The following MPZL1 variants were observed in gnomAD, a reference collection of about 807,000 sequenced individuals.
MPZL1 encodes the protein myelin protein zero like 1, also known as myelin protein zero-like protein 1.
MPZL1 carries 16 observed loss-of-function variants against 29.3 expected under a neutral mutation model. The ratio of observed to expected loss-of-function variants is 0.55; its 90% CI spans 0.37 to 0.83. The LOEUF is 0.83. Ranked by LOEUF, MPZL1 falls within the 40% of genes least tolerant of loss-of-function variation. MPZL1 has a pLI of 0.00. For synonymous variants in MPZL1, 143 were observed against 132.0 expected (o/e 1.08, Z -0.57); for missense variants, 279 against 332.9 (o/e 0.84, Z 1.26).
At chr1:167,724,169 G>A (rs1036407475) in intron 1 of MPZL1, among the ~76,000 whole-genome samples, 5 of 152,206 alleles carry the variant, frequency 3.3e-5, no homozygotes, top group Admixed American at 1.3e-4. Context: ...TCAGGCTACT[G>A]GAGGAAGGGA....
chr1:167,770,808 C>T (rs1661225616), intron 2 of MPZL1, among the ~76,000 whole-genome samples: 1 of 152,062 alleles, frequency 6.6e-6, no homozygotes, highest in South Asian at 2.1e-4. Context: ...AAAATGGCTT[C>T]TCTTAAGTCT....
intron 1 of MPZL1, among the ~76,000 whole-genome samples, chr1:167,739,268 TATATACATATATAC>T (rs1558110498): frequency 3.0e-5 from 3 of 98,512 alleles, no homozygotes; most frequent in Non-Finnish European, 5.8e-5. Flanking sequence ...TACACATACA[TATATACATATATAC>T]ATATATATAT....
At chr1:167,779,477 T>TG (rs1423442724) in intron 5 of MPZL1, among the ~76,000 whole-genome samples, 1 of 151,586 alleles carries the variant, frequency 6.6e-6, no homozygotes, top group Non-Finnish European at 1.5e-5. Context: ...CCCAGCTACT[T>TG]GGGAGGCCAA....
chr1:167,773,283 G>A lies in MPZL1; in HGVS notation c.520G>A (p.Ala174Thr). Residue 174 changes from alanine (A) to threonine (T), a missense_variant, in exon 4 of 6, where the codon GCT becomes ACT. Physicochemically the swap from Ala to Thr is moderately conservative, Grantham distance 58 (BLOSUM62 0). Transcript: ENST00000359523. ...TTGGGTAGTGGTGGGCATAGTTACT[G>A]CTGTGGTCCTAGGTCTCACTCTGCT... ...PVWVVVGIVT[A>T]VVLGLTLLIS... 6 of 1,613,516 alleles carry A rather than the reference G, an allele frequency of 3.7e-6. No individual in the cohort carries two copies. Among genetic ancestry groups the A allele is most frequent in the Non-Finnish European group, 5.1e-6 (6 of 1,179,494 alleles).
chr1:167,762,977 G>A (rs1313547993), intron 1 of MPZL1, among the ~76,000 whole-genome samples: 6 of 152,130 alleles, frequency 3.9e-5, no homozygotes, highest in Non-Finnish European at 5.9e-5. Context: ...AGAGCTACAC[G>A]TTCAGATTAG....
At chr1:167,761,435 C>T (rs1571156954) in intron 1 of MPZL1, among the ~76,000 whole-genome samples, 1 of 152,094 alleles carries the variant, frequency 6.6e-6, no homozygotes, top group East Asian at 1.9e-4. Flanking sequence ...TGCAGACAGA[C>T]ACTTTCTACA....
intron 2 of MPZL1, among the ~76,000 whole-genome samples, chr1:167,771,589 C>G (rs1255817952): frequency 6.6e-6 from 1 of 152,146 alleles, no homozygotes; most frequent in Admixed American, 6.5e-5. Context: ...AGAGGCGCTC[C>G]TCACTTCCCA....
chr1:167,758,117 GCA>G (rs950463527), intron 1 of MPZL1, among the ~76,000 whole-genome samples: 3 of 150,546 alleles, frequency 2.0e-5, no homozygotes, highest in Non-Finnish European at 4.4e-5. Context: ...TCGCTCCACT[GCA>G]CTCCAGCCTG....
chr1:167,779,766 G>A (rs1168645086), intron 5 of MPZL1, among the ~76,000 whole-genome samples: 2 of 152,118 alleles, frequency 1.3e-5, no homozygotes, highest in African/African-American at 4.8e-5. Context: ...ACTGTGGTAA[G>A]TTAAAGATAT....
At chr1:167,762,956 A>C (rs1239866766) in intron 1 of MPZL1, among the ~76,000 whole-genome samples, 1 of 152,194 alleles carries the variant, frequency 6.6e-6, no homozygotes, top group Non-Finnish European at 1.5e-5. Context: ...TGGATTTCAT[A>C]ATCCTGGCTA....
At chr1:167,771,521 G>A (rs1357935442) in intron 2 of MPZL1, among the ~76,000 whole-genome samples, 1 of 152,076 alleles carries the variant, frequency 6.6e-6, no homozygotes, top group African/African-American at 2.4e-5. Flanking sequence ...CGGAGCTGTT[G>A]GGTACACGTG....
chr1:167,773,365 C>G lies in MPZL1; in HGVS notation c.602C>G (p.Thr201Ser). The change falls in exon 4 of 6, where the codon ACT becomes AGT. Residue 201 changes from threonine to serine, a missense_variant. By Grantham distance (58) the Thr-to-Ser change is moderately conservative. Transcript: ENST00000359523. ...AGGAAAAACTCTAAACGGGATTACACTGGGTAAGAAACACTGTTTTTTTAG... is the reference window on the plus strand; with the variant it reads ...AGGAAAAACTCTAAACGGGATTACAGTGGGTAAGAAACACTGTTTTTTTAG... ...YRRKNSKRDYTGCSTSESLSP... is the reference protein window; with the variant it reads ...YRRKNSKRDYSGCSTSESLSP... 6.2e-7 allele frequency: 1 copy of G among 1,613,222 alleles called. No homozygotes were observed. Among genetic ancestry groups the G allele is most frequent in the Non-Finnish European group, 8.5e-7 (1 of 1,179,682 alleles).
chr1:167,739,282 C>CATACATATATACATATATATATATACAT (rs1660456074), intron 1 of MPZL1, among the ~76,000 whole-genome samples: 1 of 90,442 alleles, frequency 1.1e-5, no homozygotes, highest in African/African-American at 6.3e-5. Context: ...TACATATATA[C>CATACATATATACATATATATATATACAT]ATATATATAT....
At chr1:167,753,927 G>A (rs534445897) in intron 1 of MPZL1, among the ~76,000 whole-genome samples, 1 of 152,014 alleles carries the variant, frequency 6.6e-6, no homozygotes, top group South Asian at 2.1e-4. Context: ...ACTGCGCCTG[G>A]CCTTTGAATT....
chr1:167,731,344 C>T (rs553515204), intron 1 of MPZL1, among the ~76,000 whole-genome samples: 4 of 151,592 alleles, frequency 2.6e-5, no homozygotes, highest in African/African-American at 9.7e-5. Flanking sequence ...GGCTGAGGCA[C>T]GAGAATCGCT....
At chr1:167,724,904 A>G (rs1660110524) in intron 1 of MPZL1, among the ~76,000 whole-genome samples, 1 of 152,188 alleles carries the variant, frequency 6.6e-6, no homozygotes, top group African/African-American at 2.4e-5. Context: ...GTTTTGGGGT[A>G]TATGAAACCT....
intron 1 of MPZL1, among the ~76,000 whole-genome samples, chr1:167,759,361 AT>A (rs1660933420): frequency 6.6e-6 from 1 of 152,236 alleles, no homozygotes; most frequent in Non-Finnish European, 1.5e-5. Context: ...TTTACTATGT[AT>A]TCCCATAATA....
At chr1:167,775,918 T>G in intron 4 of MPZL1, 146 bp from the exon 5 acceptor site, 1 of 464,282 alleles carries the variant, frequency 2.2e-6, no homozygotes, top group South Asian at 4.1e-5. Flanking sequence ...AAACATGTGA[T>G]CATTTTGACA....
In MPZL1 at chr1:167,790,642, T is replaced by A. The variant is rs1661691372; in HGVS notation, c.*2721T>A. 6.6e-6 allele frequency: 1 copy of A among 152,184 alleles called. No individual in the cohort carries two copies. Among genetic ancestry groups the A allele is most frequent in the Non-Finnish European group, 1.5e-5 (1 of 68,040 alleles). The allele number at this position is 152,184 out of a possible 1,614,324, so 9.4% of individuals were successfully genotyped here. On this transcript the variant is annotated 3_prime_UTR_variant, in exon 6 of 6. Coordinates refer to ENST00000359523, the MANE Select transcript of MPZL1 (RefSeq NM_003953.6). ...CCTGGCAAACAGGGTCGTCTTAAAA[T>A]TATGCGCTAATTCTGTATGGGAGCA...
Sources: allele counts gnomAD v4.1 joint callset (sites outside exome capture counted in the v4.1 genomes callset), GRCh38; gene constraint gnomAD v4.1.1; transcripts MANE v1.5; gene names NCBI Gene and HGNC (gene_info 2026-07-23, HGNC 2026-07-21).